The following WDR70 variants were observed in gnomAD, a reference collection of about 807,000 sequenced individuals.
The protein encoded by WDR70 is WD repeat-containing protein 70.
A neutral mutation model predicts 88.6 loss-of-function variants in WDR70; 53 were observed. That is an observed-to-expected ratio of 0.60 (90% CI 0.48 to 0.75). The LOEUF (loss-of-function observed/expected upper bound fraction) is 0.75. Ranked by LOEUF, WDR70 falls within the 30% of genes least tolerant of loss-of-function variation. The pLI is 0.00. For synonymous variants in WDR70, 280 were observed against 270.0 expected (o/e 1.04, Z -0.36); for missense variants, 610 against 823.2 (o/e 0.74, Z 3.17).
chr5:37,607,143 A>G (rs1394957645), intron 10 of WDR70, among the ~76,000 whole-genome samples: 1 of 151,466 alleles, frequency 6.6e-6, no homozygotes, highest in Non-Finnish European at 1.5e-5. Flanking sequence ...GGGTTCCACC[A>G]TGTTGTCCAG....
chr5:37,651,545 C>A (rs1464973585), intron 10 of WDR70, among the ~76,000 whole-genome samples: 2 of 152,202 alleles, frequency 1.3e-5, no homozygotes, highest in Non-Finnish European at 2.9e-5. Context: ...GCCACCCTGT[C>A]TTCCACAGTG....
At chr5:37,439,142 TCTG>T (rs1042344293) in intron 6 of WDR70, among the ~76,000 whole-genome samples, 28 of 152,146 alleles carry the variant, frequency 1.8e-4, no homozygotes, top group African/African-American at 6.0e-4. Flanking sequence ...ATGGTCTCGA[TCTG>T]CTGACCTCAT....
intron 7 of WDR70, among the ~76,000 whole-genome samples, chr5:37,476,610 G>A (rs1183168598): frequency 6.6e-6 from 1 of 151,388 alleles, no homozygotes; most frequent in Non-Finnish European, 1.5e-5. Flanking sequence ...GAGTGCAGTG[G>A]AGCAATCTTG....
At chr5:37,720,860 G>A (rs542713685) in intron 13 of WDR70, among the ~76,000 whole-genome samples, 47 of 152,152 alleles carry the variant, frequency 3.1e-4, no homozygotes, top group African/African-American at 7.0e-4. Flanking sequence ...TGGTTTCAGG[G>A]CTGTCCAGAA....
intron 13 of WDR70, among the ~76,000 whole-genome samples, chr5:37,706,575 G>A (rs774189199): frequency 6.6e-6 from 1 of 152,014 alleles, no homozygotes; most frequent in African/African-American, 2.4e-5. Context: ...CATGTAAGAC[G>A]TGCCTTTGCC....
chr5:37,544,617 C>T (rs760690692), intron 9 of WDR70, among the ~76,000 whole-genome samples: 1 of 151,664 alleles, frequency 6.6e-6, no homozygotes, highest in Non-Finnish European at 1.5e-5. Context: ...GGGTGCTCCA[C>T]CAGTAGCTTT....
At chr5:37,526,023 G>C (rs1430174414) in intron 9 of WDR70, among the ~76,000 whole-genome samples, 1 of 152,186 alleles carries the variant, frequency 6.6e-6, no homozygotes, top group Non-Finnish European at 1.5e-5. Context: ...TCCAGGACCA[G>C]ATGGATTTAC....
In WDR70 at chr5:37,752,293, C is replaced by A. The variant is rs779270131; in HGVS notation, c.1878-193C>A. On this transcript the variant is annotated intron_variant, in intron 17 of 17. Coordinates refer to ENST00000265107, the MANE Select transcript of WDR70 (RefSeq NM_018034.4). ...ACAGAGGGTAAATCTTTAAAAGAAT[C>A]TTTTGCTCTTTTCCTGAACATAATT... Among the ~76,000 whole-genome samples, 83 of 152,238 alleles carry A rather than the reference C, an allele frequency of 5.5e-4. 1 individual carries two copies. The highest frequency in any genetic ancestry group is 3.9e-4 in the East Asian group (2 of 5,182).
intron 14 of WDR70, 183 bp downstream of exon 14, chr5:37,721,398 C>CGACCA: frequency 3.3e-6 from 2 of 598,704 alleles, no homozygotes; most frequent in South Asian, 2.1e-5. Flanking sequence ...TTGAATATTG[C>CGACCA]CCTTGATCCA....
At chr5:37,722,151 A>T (rs937737838) in intron 14 of WDR70, 1 of 152,204 alleles carries the variant, frequency 6.6e-6, no homozygotes, top group African/African-American at 2.4e-5. Context: ...TTTGTTTTTT[A>T]AAAAAGAAAT....
chr5:37,740,295 A>G (rs950778156), intron 17 of WDR70, among the ~76,000 whole-genome samples: 9 of 152,200 alleles, frequency 5.9e-5, no homozygotes, highest in African/African-American at 1.9e-4. Context: ...AATATTTCTC[A>G]TATGTGGATT....
intron 5 of WDR70, among the ~76,000 whole-genome samples, chr5:37,414,784 C>CT (rs11339547): frequency 0.07 from 10,308 of 147,014 alleles, 1,060 homozygotes; most frequent in African/African-American, 0.23. Context: ...CACAATTATT[C>CT]TTTTTTTTTT....
rs750627600 is a variant in WDR70 at position 37,613,159 on chromosome 5, A to G, written c.1092+7921A>G. Among the ~76,000 whole-genome samples the G allele has an allele frequency of 4.5e-4, 69 of 152,326 alleles. 1 individual carries two copies. The highest frequency in any genetic ancestry group is 3.4e-3 in the Middle Eastern group (1 of 294). The stretch of plus-strand genomic sequence containing the variant: ...TACTGGCTTTTGAGAAAGTTAGGGT[A>G]AAAGGTTTTTTAAAAATATGGATGA... On this transcript the variant is annotated intron_variant, in intron 10 of 17. Transcript: ENST00000265107.
chr5:37,725,436 A>G (rs1331969304), intron 16 of WDR70, among the ~76,000 whole-genome samples: 1 of 152,082 alleles, frequency 6.6e-6, no homozygotes, highest in African/African-American at 2.4e-5. Flanking sequence ...AGGCTGGATT[A>G]GGTTTCACAC....
At chr5:37,482,931 C>T (rs895246940) in intron 8 of WDR70, among the ~76,000 whole-genome samples, 11 of 151,994 alleles carry the variant, frequency 7.2e-5, no homozygotes, top group Middle Eastern at 3.2e-3. Context: ...CTTACAGTCC[C>T]AGCTACTTGG....
chr5:37,750,076 CT>C (rs1748760073), intron 17 of WDR70, among the ~76,000 whole-genome samples: 1 of 152,118 alleles, frequency 6.6e-6, no homozygotes, highest in Admixed American at 6.5e-5. Flanking sequence ...ATGCATACAC[CT>C]GTTAATCACC....
intron 5 of WDR70, among the ~76,000 whole-genome samples, chr5:37,420,136 G>A (rs1410994883): frequency 1.3e-5 from 2 of 152,128 alleles, no homozygotes; most frequent in Admixed American, 1.3e-4. Flanking sequence ...GCCGAGGTGG[G>A]AGGATTACTT....
In WDR70 at chr5:37,724,597, A is replaced by G. The variant is rs1747915960; in HGVS notation, c.1598-337A>G. 5 of 209,572 alleles carry G rather than the reference A, an allele frequency of 2.4e-5. No individual in the cohort carries two copies. The Admixed American group carries it at 2.8e-4, about 12-fold the overall frequency. 13.0% of individuals were successfully genotyped at this position (209,572 alleles called of 1,614,324 possible). A position where few individuals can be genotyped will look rare whatever the true frequency, so the allele number is the denominator to read the frequency against. ...TATTCACATTTGGGTCCTGTAAGAA[A>G]AAATAAGAGGCAGTCCCAATATGTG... On this transcript the variant is annotated intron_variant, in intron 15 of 17. Coordinates refer to ENST00000265107, the MANE Select transcript of WDR70 (RefSeq NM_018034.4).
intron 9 of WDR70, among the ~76,000 whole-genome samples, 192 bp from the exon 10 acceptor site, chr5:37,604,867 GTTTAC>G (rs1004717149): frequency 1.3e-5 from 2 of 152,098 alleles, no homozygotes; most frequent in Non-Finnish European, 2.9e-5. Flanking sequence ...GATTCAGATG[GTTTAC>G]TTTATTTCCA....
Sources: allele counts gnomAD v4.1 joint callset (sites outside exome capture counted in the v4.1 genomes callset), GRCh38; gene constraint gnomAD v4.1.1; transcripts MANE v1.5; gene names NCBI Gene and HGNC (gene_info 2026-07-23, HGNC 2026-07-21).